The following GRK3 variants were observed in gnomAD, a reference collection of about 807,000 sequenced individuals.
The protein encoded by GRK3 is adrenergic, beta, receptor kinase 2.
A neutral mutation model predicts 95.7 loss-of-function variants in GRK3; 54 were observed. That is an observed-to-expected ratio of 0.56 (90% CI 0.45 to 0.71). The LOEUF (loss-of-function observed/expected upper bound fraction) is 0.71. Ranked by LOEUF, GRK3 falls within the 30% of genes least tolerant of loss-of-function variation. The probability of loss-of-function intolerance (pLI) is 0.00; values close to 1 mark genes in which losing one functional copy is unlikely to be tolerated. For synonymous variants in GRK3, 281 were observed against 290.8 expected (o/e 0.97, Z 0.34); for missense variants, 649 against 851.2 (o/e 0.76, Z 2.96).
intron 2 of GRK3, among the ~76,000 whole-genome samples, chr22:25,637,980 A>G (rs969299759): frequency 3.3e-5 from 5 of 152,178 alleles, no homozygotes; most frequent in Non-Finnish European, 7.3e-5. Context: ...ATGGGGAGCA[A>G]TCTGCTTACT....
intron 2 of GRK3, among the ~76,000 whole-genome samples, chr22:25,619,842 A>G (rs1020140857): frequency 6.6e-6 from 1 of 151,930 alleles, no homozygotes; most frequent in Non-Finnish European, 1.5e-5. Flanking sequence ...GTGCTGGAAC[A>G]TCTATGAAGT....
At chr22:25,620,479 C>T (rs540655629) in intron 2 of GRK3, among the ~76,000 whole-genome samples, 1 of 152,144 alleles carries the variant, frequency 6.6e-6, no homozygotes, top group East Asian at 1.9e-4. Context: ...TCAAAGGTTG[C>T]CAGCCCGGCT....
At chr22:25,616,241 T>G (rs1214931235) in intron 2 of GRK3, among the ~76,000 whole-genome samples, 1 of 152,072 alleles carries the variant, frequency 6.6e-6, no homozygotes, top group African/African-American at 2.4e-5. Context: ...ACTGAGTAAC[T>G]TATGAAGAAA....
intron 2 of GRK3, among the ~76,000 whole-genome samples, chr22:25,640,558 C>G (rs2084735593): frequency 1.3e-5 from 2 of 152,168 alleles, no homozygotes; most frequent in African/African-American, 4.8e-5. Flanking sequence ...GTCTTAATCT[C>G]CTTGGCAAAA....
At chr22:25,716,091 A>C (rs1007815355) in intron 18 of GRK3, among the ~76,000 whole-genome samples, 5 of 151,814 alleles carry the variant, frequency 3.3e-5, no homozygotes, top group African/African-American at 1.2e-4. Context: ...GGTTCAAGTG[A>C]TTCTCCTGCC....
At chr22:25,575,075 G>T (rs948158521) in intron 1 of GRK3, among the ~76,000 whole-genome samples, 17 of 152,150 alleles carry the variant, frequency 1.1e-4, no homozygotes, top group Non-Finnish European at 8.8e-5. Flanking sequence ...GAGTTTTGTG[G>T]ACAGGGATTT....
Position 25,648,494 on chromosome 22 carries a change from T to C in GRK3, c.264+3829T>C, listed in dbSNP as rs564847690. The C allele has an allele frequency of 1.5e-4, 211 of 1,436,162 alleles. 1 individual carries two copies. The East Asian group carries it at 3.6e-3, about 24-fold the overall frequency. The allele number at this position is 1,436,162 out of a possible 1,614,324, so 89.0% of individuals were successfully genotyped here. On this transcript the variant is annotated intron_variant, in intron 3 of 20. Coordinates refer to ENST00000324198, the MANE Select transcript of GRK3 (RefSeq NM_005160.4). ...GCAAAGTGTGGATGGGAATATGGAA[T>C]GGAACCACAAAAGTAGCAATCAAAA...
chr22:25,596,418 A>G (rs1208670566), intron 1 of GRK3, among the ~76,000 whole-genome samples: 1 of 152,234 alleles, frequency 6.6e-6, no homozygotes, highest in East Asian at 1.9e-4. Context: ...AAAGTGAGAG[A>G]TGAAGAACAT....
intron 1 of GRK3, among the ~76,000 whole-genome samples, chr22:25,591,519 C>T (rs1423500627): frequency 6.6e-6 from 1 of 151,816 alleles, no homozygotes; most frequent in Non-Finnish European, 1.5e-5. Context: ...GGCAACAAGC[C>T]CCCATATTGA....
At chr22:25,687,980 T>C (rs968299126) in intron 11 of GRK3, among the ~76,000 whole-genome samples, 1 of 152,188 alleles carries the variant, frequency 6.6e-6, no homozygotes, top group Non-Finnish European at 1.5e-5. Context: ...CTCATGCCTG[T>C]AATCCCAGCA....
intron 8 of GRK3, among the ~76,000 whole-genome samples, chr22:25,676,323 C>T (rs760338624): frequency 1.3e-5 from 2 of 152,190 alleles, no homozygotes; most frequent in African/African-American, 2.4e-5. Context: ...TTGCTTGGCA[C>T]CGTTCATTAA....
chr22:25,610,643 C>T (rs2084489628), intron 2 of GRK3, among the ~76,000 whole-genome samples: 1 of 152,228 alleles, frequency 6.6e-6, no homozygotes, highest in African/African-American at 2.4e-5. Flanking sequence ...CTGCTCCCAT[C>T]CTCAGCCCCA....
intron 1 of GRK3, among the ~76,000 whole-genome samples, chr22:25,566,560 A>G (rs141347408): frequency 1.3e-4 from 20 of 152,332 alleles, no homozygotes; most frequent in Non-Finnish European, 1.8e-4. Flanking sequence ...TCTTTGATAG[A>G]CAATGCCAAG....
rs534734570 is a variant in GRK3 at position 25,638,852 on chromosome 22, TG to T, written c.191-5736del. Among the ~76,000 whole-genome samples, 11 of 152,304 alleles carry T rather than the reference TG, an allele frequency of 7.2e-5. No individual in the cohort carries two copies. The East Asian group carries it at 2.1e-3, about 29-fold the overall frequency. ...GCTGCCTTGTATCCCTGCTGGCAGT[TG>T]GGGTTGTCAATATTTAACTTAGCCA... On this transcript the variant is annotated intron_variant, in intron 2 of 20. Coordinates refer to ENST00000324198, the MANE Select transcript of GRK3 (RefSeq NM_005160.4).
chr22:25,572,352 T>C (rs1296493504), intron 1 of GRK3, among the ~76,000 whole-genome samples: 3 of 152,208 alleles, frequency 2.0e-5, no homozygotes, highest in Non-Finnish European at 4.4e-5. Flanking sequence ...GCATGATTTA[T>C]AATGCTTTGG....
At chr22:25,672,762 C>T (rs1264160735) in intron 7 of GRK3, among the ~76,000 whole-genome samples, 2 of 151,920 alleles carry the variant, frequency 1.3e-5, no homozygotes, top group African/African-American at 4.8e-5. Flanking sequence ...TTTTATCAGA[C>T]CAAGGCTTCA....
rs765722291 is a variant in GRK3 at position 25,678,945 on chromosome 22, A to T, written c.747+30A>T. ...GTATTCAATTTCCAGCATTTCTTTT[A>T]AAAATGTTTTGTTTGTTTCATAGCA... On this transcript the variant is annotated intron_variant, in intron 9 of 20. Transcript: ENST00000324198. 6.4e-6 allele frequency: 9 copies of T among 1,407,770 alleles called. No individual in the cohort carries two copies. In the South Asian group the frequency reaches 1.0e-4, roughly 16 times the overall value. 87.2% of individuals were successfully genotyped at this position (1,407,770 alleles called of 1,614,324 possible).
intron 13 of GRK3, among the ~76,000 whole-genome samples, chr22:25,699,694 C>CTTTTTT (rs1157678995): frequency 2.3e-4 from 32 of 139,220 alleles, no homozygotes; most frequent in African/African-American, 3.5e-4. Flanking sequence ...CTTTTCTTTT[C>CTTTTTT]TTTTCTTTTT....
intron 1 of GRK3, among the ~76,000 whole-genome samples, chr22:25,603,716 G>A (rs960875153): frequency 6.6e-6 from 1 of 152,114 alleles, no homozygotes; most frequent in Admixed American, 6.5e-5. Context: ...AACTTTTACA[G>A]TATTAAATTT....
Sources: gnomAD v4.1 joint callset for allele counts (sites outside exome capture counted in the v4.1 genomes callset) on GRCh38, gnomAD v4.1.1 for gene constraint, MANE v1.5 for transcripts, NCBI Gene and HGNC (gene_info 2026-07-23, HGNC 2026-07-21) for gene names.